The following GABBR2 variants were observed in gnomAD, a reference collection of about 807,000 sequenced individuals.
The protein encoded by GABBR2 is G-protein coupled receptor 51.
A neutral mutation model predicts 105.6 loss-of-function variants in GABBR2; 23 were observed. The observed-to-expected ratio is 0.22, with a 90% CI of 0.16 to 0.31. The LOEUF (loss-of-function observed/expected upper bound fraction) is 0.31, where lower values mean the gene tolerates loss of function less well. Ranked by LOEUF, GABBR2 falls within the 10% of genes least tolerant of loss-of-function variation. GABBR2 has a pLI of 1.00. For missense variants in GABBR2, 734 were observed against 1,245.5 expected, an observed-to-expected ratio of 0.59 and a Z score of 6.18; for synonymous variants, 478 against 499.7, an observed-to-expected ratio of 0.96 and a Z score of 0.58.
At chr9:98,451,740 G>C (rs1826233484) in intron 7 of GABBR2, among the ~76,000 whole-genome samples, 1 of 152,136 alleles carries the variant, frequency 6.6e-6, no homozygotes, top group African/African-American at 2.4e-5. Flanking sequence ...AGTCTCCTTA[G>C]CATGTCCCTC....
intron 7 of GABBR2, among the ~76,000 whole-genome samples, chr9:98,423,296 G>T (rs942730792): frequency 9.2e-5 from 14 of 152,130 alleles, no homozygotes; most frequent in African/African-American, 3.4e-4. Context: ...TTTAATGATC[G>T]CCATTCTAAC....
intron 1 of GABBR2, among the ~76,000 whole-genome samples, chr9:98,586,966 C>A (rs1286493858): frequency 2.6e-5 from 4 of 152,158 alleles, no homozygotes; most frequent in Non-Finnish European, 4.4e-5. Context: ...AGGGTATAAA[C>A]CTGGAAATTG....
At chr9:98,658,248 A>G (rs1292564652) in intron 1 of GABBR2, among the ~76,000 whole-genome samples, 1 of 152,146 alleles carries the variant, frequency 6.6e-6, no homozygotes, top group Non-Finnish European at 1.5e-5. Context: ...CACCAGAATC[A>G]CCAAGGGAGG....
intron 2 of GABBR2, among the ~76,000 whole-genome samples, chr9:98,561,900 G>A (rs913043283): frequency 1.3e-5 from 2 of 152,026 alleles, no homozygotes; most frequent in African/African-American, 4.8e-5. Flanking sequence ...AGAAAGAAAA[G>A]AAAATTACCA....
At chr9:98,648,790 C>T (rs982544475) in intron 1 of GABBR2, among the ~76,000 whole-genome samples, 1 of 152,316 alleles carries the variant, frequency 6.6e-6, no homozygotes, top group Middle Eastern at 3.4e-3. Flanking sequence ...TTTAGCAAGA[C>T]CCCTTCCCCA....
At chr9:98,313,940 GT>G (rs1267153404) in intron 13 of GABBR2, among the ~76,000 whole-genome samples, 1 of 152,162 alleles carries the variant, frequency 6.6e-6, no homozygotes, top group African/African-American at 2.4e-5. Flanking sequence ...GCTAGGAGGG[GT>G]GGGACCTGGG....
rs182634836 is a variant in GABBR2 at position 98,481,089 on chromosome 9, T to C, written c.733-92A>G. The C allele has an allele frequency of 1.1e-5, 9 of 820,732 alleles. No individual in the cohort carries two copies. The African/African-American group carries it at 1.2e-4, about 11-fold the overall frequency. The allele number at this position is 820,732 out of a possible 1,614,324, so 50.8% of individuals were successfully genotyped here. A position where few individuals can be genotyped will look rare whatever the true frequency, so the allele number is the denominator to read the frequency against. ...GTGGCAGACAACATTCCTTCACCTC[T>C]GGCTCTTAGCCCAGAGCTCTGCCTG... On this transcript the variant is annotated intron_variant, in intron 4 of 18. Coordinates refer to ENST00000259455, the MANE Select transcript of GABBR2 (RefSeq NM_005458.8).
At chr9:98,446,325 C>T (rs1826128584) in intron 7 of GABBR2, among the ~76,000 whole-genome samples, 1 of 152,142 alleles carries the variant, frequency 6.6e-6, no homozygotes, top group Admixed American at 6.5e-5. Flanking sequence ...ATTATTATTT[C>T]CCACAGCCAC....
At chr9:98,445,970 G>A (rs1201065395) in intron 7 of GABBR2, among the ~76,000 whole-genome samples, 5 of 152,210 alleles carry the variant, frequency 3.3e-5, no homozygotes, top group African/African-American at 9.7e-5. Flanking sequence ...GAAGAGGAGG[G>A]AGAGCTGAGA....
At chr9:98,440,659 G>A (rs1212266654) in intron 7 of GABBR2, among the ~76,000 whole-genome samples, 2 of 152,216 alleles carry the variant, frequency 1.3e-5, no homozygotes, top group African/African-American at 4.8e-5. Context: ...TGAGAAAGTG[G>A]CATGAAATTT....
chr9:98,577,842 A>G, intron 2 of GABBR2, 93 bp downstream of exon 2: 2 of 1,306,782 alleles, frequency 1.5e-6, no homozygotes, highest in Non-Finnish European at 2.1e-6. Flanking sequence ...CCCAGGCAAC[A>G]TAGAAACCAC....
At chr9:98,641,866 A>AC (rs1829967307) in intron 1 of GABBR2, among the ~76,000 whole-genome samples, 1 of 151,948 alleles carries the variant, frequency 6.6e-6, no homozygotes, top group Middle Eastern at 3.2e-3. Flanking sequence ...AGGCAGCACC[A>AC]CCCCCACAGT....
At chr9:98,637,533 A>C (rs924946899) in intron 1 of GABBR2, among the ~76,000 whole-genome samples, 1 of 152,172 alleles carries the variant, frequency 6.6e-6, no homozygotes, top group African/African-American at 2.4e-5. Context: ...TAAAGTAGGG[A>C]GCTCACAGTG....
chr9:98,418,095 G>A, intron 7 of GABBR2, among the ~76,000 whole-genome samples: 1 of 152,132 alleles, frequency 6.6e-6, no homozygotes, highest in Non-Finnish European at 1.5e-5. Context: ...AGGGGTGTTG[G>A]CCAGGAGATA....
chr9:98,377,776 T>TG (rs1417897577), intron 11 of GABBR2, among the ~76,000 whole-genome samples: 2 of 151,900 alleles, frequency 1.3e-5, no homozygotes, highest in African/African-American at 4.8e-5. Flanking sequence ...GGAAGGGAGT[T>TG]GGGGGTGGGG....
intron 3 of GABBR2, among the ~76,000 whole-genome samples, chr9:98,518,865 T>C (rs1827812437): frequency 6.6e-6 from 1 of 152,016 alleles, no homozygotes; most frequent in Non-Finnish European, 1.5e-5. Context: ...GTGTGTGCCC[T>C]GGGAGGGAGC....
At chr9:98,360,165 G>C (rs1588121262) in intron 13 of GABBR2, among the ~76,000 whole-genome samples, 1 of 152,176 alleles carries the variant, frequency 6.6e-6, no homozygotes, top group African/African-American at 2.4e-5. Flanking sequence ...CCCAAGCCTA[G>C]GCTTTCTGTT....
At chr9:98,478,979 G>A (rs943245938) in intron 5 of GABBR2, among the ~76,000 whole-genome samples, 3 of 152,122 alleles carry the variant, frequency 2.0e-5, no homozygotes, top group African/African-American at 7.2e-5. Context: ...AAGAAAGCAC[G>A]CTCTCAAATT....
intron 3 of GABBR2, among the ~76,000 whole-genome samples, chr9:98,531,468 A>G (rs924206196): frequency 2.0e-5 from 3 of 152,284 alleles, no homozygotes; most frequent in Non-Finnish European, 4.4e-5. Context: ...AAGCTCGGAC[A>G]TCTGTCTTCA....
Sources: allele counts gnomAD v4.1 joint callset (sites outside exome capture counted in the v4.1 genomes callset), GRCh38; gene constraint gnomAD v4.1.1; transcripts MANE v1.5; gene names NCBI Gene and HGNC (gene_info 2026-07-23, HGNC 2026-07-21).